The following SPOCK1 variants were observed in gnomAD, a reference collection of about 807,000 sequenced individuals.
The protein encoded by SPOCK1 is testican-1.
A neutral mutation model predicts 55.3 loss-of-function variants in SPOCK1; 23 were observed. That is an observed-to-expected ratio of 0.42 (90% CI 0.30 to 0.59). The LOEUF (loss-of-function observed/expected upper bound fraction) is 0.59. Among genes scored for constraint, SPOCK1 ranks in the 20% least tolerant of loss-of-function variants. SPOCK1 has a pLI of 0.22. For missense variants in SPOCK1, 499 were observed against 552.5 expected, an observed-to-expected ratio of 0.90 and a Z score of 0.97; for synonymous variants, 226 against 221.0, an observed-to-expected ratio of 1.02 and a Z score of -0.20.
intron 2 of SPOCK1, among the ~76,000 whole-genome samples, chr5:137,303,834 C>T (rs1331229042): frequency 6.6e-6 from 1 of 152,194 alleles, no homozygotes. Context: ...GGACCCTGAG[C>T]AGGAATTCCA....
chr5:137,344,433 C>T (rs1750508379), intron 2 of SPOCK1, among the ~76,000 whole-genome samples: 1 of 152,248 alleles, frequency 6.6e-6, no homozygotes, highest in African/African-American at 2.4e-5. Context: ...GTGGCACTTG[C>T]TGTCATTGAA....
chr5:137,476,226 T>C (rs1312648451), intron 2 of SPOCK1, among the ~76,000 whole-genome samples: 3 of 152,102 alleles, frequency 2.0e-5, no homozygotes, highest in Non-Finnish European at 4.4e-5. Flanking sequence ...AATTATACAG[T>C]TGCTTATATG....
rs141435374 is a variant in SPOCK1 at position 137,308,502 on chromosome 5, C to A, written c.187-41447G>T. On this transcript the variant is annotated intron_variant, in intron 2 of 10. Coordinates refer to ENST00000394945, the MANE Select transcript of SPOCK1 (RefSeq NM_004598.4). ...GAGGGGCACCTCAGCAGTGAGAGAG[C>A]AGTGCCATGCATCTCTTCCAGGGCC... Among the ~76,000 whole-genome samples, 111 of 152,336 alleles carry A rather than the reference C, an allele frequency of 7.3e-4. 2 individuals are homozygous for A. In the East Asian group the frequency reaches 0.02, roughly 28 times the overall value.
intron 2 of SPOCK1, among the ~76,000 whole-genome samples, chr5:137,319,047 T>C (rs1227597885): frequency 1.1e-4 from 17 of 152,204 alleles, no homozygotes; most frequent in Admixed American, 1.1e-3. Flanking sequence ...AAAACATAAG[T>C]CACTTTCTCT....
chr5:137,043,412 G>C (rs1752038450), intron 6 of SPOCK1, among the ~76,000 whole-genome samples: 1 of 152,144 alleles, frequency 6.6e-6, no homozygotes, highest in African/African-American at 2.4e-5. Flanking sequence ...TAAGGAGATG[G>C]AACATTAAAT....
At chr5:137,079,604 T>A (rs1291714984) in intron 5 of SPOCK1, among the ~76,000 whole-genome samples, 1 of 149,430 alleles carries the variant, frequency 6.7e-6, no homozygotes, top group Non-Finnish European at 1.5e-5. Flanking sequence ...CAAGCCCTGA[T>A]CAAAACTCAA....
At chr5:137,194,499 G>T (rs963638242) in intron 3 of SPOCK1, among the ~76,000 whole-genome samples, 3 of 152,130 alleles carry the variant, frequency 2.0e-5, no homozygotes, top group Non-Finnish European at 4.4e-5. Flanking sequence ...AGCTGAGGGT[G>T]GGGGGCCAGG....
At chr5:137,236,437 GT>G (rs1405763274) in intron 3 of SPOCK1, among the ~76,000 whole-genome samples, 1 of 152,246 alleles carries the variant, frequency 6.6e-6, no homozygotes, top group Non-Finnish European at 1.5e-5. Flanking sequence ...CAGAACACAT[GT>G]TATTGTTTAA....
chr5:137,254,507 T>A (rs1302294883), intron 3 of SPOCK1, among the ~76,000 whole-genome samples: 1 of 152,232 alleles, frequency 6.6e-6, no homozygotes, highest in East Asian at 1.9e-4. Flanking sequence ...CAAGATCTAA[T>A]ATGGATTTGC....
intron 3 of SPOCK1, among the ~76,000 whole-genome samples, chr5:137,225,890 A>G (rs1755936318): frequency 6.6e-6 from 1 of 152,232 alleles, no homozygotes; most frequent in Non-Finnish European, 1.5e-5. Flanking sequence ...GCTCAGAACC[A>G]AAAGAAGTCT....
intron 3 of SPOCK1, among the ~76,000 whole-genome samples, chr5:137,161,023 T>A (rs1754544244): frequency 6.8e-6 from 1 of 146,688 alleles, no homozygotes; most frequent in Non-Finnish European, 1.5e-5. Flanking sequence ...TATATATATA[T>A]ATATATTACA....
At chr5:137,018,698 A>G (rs1417413020) in intron 6 of SPOCK1, among the ~76,000 whole-genome samples, 1 of 152,136 alleles carries the variant, frequency 6.6e-6, no homozygotes. Context: ...ACAAATGCAT[A>G]TTAGGATTTT....
At chr5:137,315,796 C>T (rs1052611023) in intron 2 of SPOCK1, among the ~76,000 whole-genome samples, 1 of 152,176 alleles carries the variant, frequency 6.6e-6, no homozygotes, top group African/African-American at 2.4e-5. Flanking sequence ...ACAACTTATC[C>T]GTCCCTCTCT....
At chr5:137,351,678 T>C (rs1482247607) in intron 2 of SPOCK1, among the ~76,000 whole-genome samples, 1 of 152,212 alleles carries the variant, frequency 6.6e-6, no homozygotes, top group Non-Finnish European at 1.5e-5. Flanking sequence ...TTTGGCCACA[T>C]CCAAGGGCAG....
chr5:137,214,729 G>A (rs1402504265), intron 3 of SPOCK1, among the ~76,000 whole-genome samples: 1 of 152,192 alleles, frequency 6.6e-6, no homozygotes, highest in East Asian at 1.9e-4. Flanking sequence ...GCAAGAGATA[G>A]TGGGGCCTGA....
chr5:137,392,907 C>T (rs1751757247), intron 2 of SPOCK1, among the ~76,000 whole-genome samples: 1 of 152,124 alleles, frequency 6.6e-6, no homozygotes, highest in African/African-American at 2.4e-5. Context: ...GAGGCCCTAC[C>T]CTTATTGTAT....
At chr5:137,303,145 T>A (rs1284597629) in intron 2 of SPOCK1, among the ~76,000 whole-genome samples, 3 of 152,134 alleles carry the variant, frequency 2.0e-5, no homozygotes, top group African/African-American at 7.2e-5. Context: ...CCTCTGGGGT[T>A]ATTGTACAAA....
intron 2 of SPOCK1, among the ~76,000 whole-genome samples, chr5:137,401,034 G>A (rs1190736971): frequency 6.6e-6 from 1 of 150,886 alleles, no homozygotes; most frequent in Non-Finnish European, 1.5e-5. Context: ...CCAGTGCACA[G>A]AGAGGGCCTG....
intron 2 of SPOCK1, among the ~76,000 whole-genome samples, chr5:137,373,915 T>A (rs929848416): frequency 2.6e-5 from 4 of 152,204 alleles, no homozygotes; most frequent in African/African-American, 9.7e-5. Context: ...ATTTTACACA[T>A]TTATGGAGCC....
Sources: gnomAD v4.1 joint callset for allele counts (sites outside exome capture counted in the v4.1 genomes callset) on GRCh38, gnomAD v4.1.1 for gene constraint, MANE v1.5 for transcripts, NCBI Gene and HGNC (gene_info 2026-07-23, HGNC 2026-07-21) for gene names.